PCDH11X: variants seen among roughly 807,000 people sequenced by gnomAD.
The protein encoded by PCDH11X is protocadherin-11 X-linked.
In PCDH11X, 18 loss-of-function variants were observed where a neutral mutation model predicts 53.3. The ratio of observed to expected loss-of-function variants is 0.34; its 90% CI spans 0.23 to 0.50. The LOEUF (loss-of-function observed/expected upper bound fraction) is 0.50, where lower values mean the gene tolerates loss of function less well. Among genes scored for constraint, PCDH11X ranks in the 20% least tolerant of loss-of-function variants. The probability of loss-of-function intolerance (pLI) is 0.98; values close to 1 mark genes in which losing one functional copy is unlikely to be tolerated. For synonymous variants in PCDH11X, 279 were observed against 393.3 expected, an observed-to-expected ratio of 0.71 and a Z score of 3.44; for missense variants, 570 against 1,032.4, an observed-to-expected ratio of 0.55 and a Z score of 6.14.
chrX:91,826,443 G>C (rs1249394412), intron 4 of PCDH11X, among the ~76,000 whole-genome samples: 1 of 102,898 alleles, frequency 9.7e-6, no homozygotes, highest in Non-Finnish European at 2.0e-5. Flanking sequence ...ATTTTTTAAT[G>C]GGAAAAATAT....
At chrX:92,077,334 C>T (rs1476446114) in intron 6 of PCDH11X, among the ~76,000 whole-genome samples, 3 of 106,495 alleles carry the variant, frequency 2.8e-5, no homozygotes, top group East Asian at 3.0e-4. Flanking sequence ...AAGGAACACC[C>T]GAGCAGACGT....
chrX:92,465,779 A>G (rs2073145674), intron 9 of PCDH11X, among the ~76,000 whole-genome samples: 1 of 110,091 alleles, frequency 9.1e-6, no homozygotes, highest in Non-Finnish European at 1.9e-5. Context: ...ATATTTATGA[A>G]ACTCAAAGAG....
intron 8 of PCDH11X, among the ~76,000 whole-genome samples, chrX:92,283,308 T>C (rs961659731): frequency 9.0e-6 from 1 of 111,403 alleles, no homozygotes; most frequent in African/African-American, 3.3e-5. Context: ...AAAGACTATG[T>C]TAATAAGGAT....
At chrX:91,802,924 C>A (rs1327301584) in intron 1 of PCDH11X, among the ~76,000 whole-genome samples, 1 of 110,920 alleles carries the variant, frequency 9.0e-6, no homozygotes, top group Non-Finnish European at 1.9e-5. Context: ...ATAATGCATA[C>A]TTCTGGACGA....
At chrX:92,258,611 C>G (rs1603238000) in intron 7 of PCDH11X, among the ~76,000 whole-genome samples, 1 of 111,207 alleles carries the variant, frequency 9.0e-6, no homozygotes, top group Non-Finnish European at 1.9e-5. Context: ...TCGTGATCCA[C>G]CTGCCTCGGC....
chrX:92,134,268 T>C (rs1406899840), intron 6 of PCDH11X, among the ~76,000 whole-genome samples: 1 of 110,884 alleles, frequency 9.0e-6, no homozygotes, highest in South Asian at 3.9e-4. Flanking sequence ...GGGAGGTATG[T>C]CGTTTTTTTT....
intron 7 of PCDH11X, among the ~76,000 whole-genome samples, chrX:92,219,137 A>T (rs2066800520): frequency 9.0e-6 from 1 of 111,146 alleles, no homozygotes; most frequent in Non-Finnish European, 1.9e-5. Context: ...AAACTGGCAC[A>T]AGACAGGGAT....
At chrX:92,464,843 A>AT (rs1396760322) in intron 9 of PCDH11X, among the ~76,000 whole-genome samples, 1 of 109,460 alleles carries the variant, frequency 9.1e-6, no homozygotes. Context: ...TCAAAGAGGT[A>AT]TTGGTTTATT....
chrX:91,982,388 A>G (rs2062153552), intron 6 of PCDH11X, among the ~76,000 whole-genome samples: 1 of 110,112 alleles, frequency 9.1e-6, no homozygotes, highest in Non-Finnish European at 1.9e-5. Flanking sequence ...ACTTGCAGCC[A>G]TTTCTAGAGA....
At chrX:92,613,711 G>A (rs1289348608) in intron 10 of PCDH11X, among the ~76,000 whole-genome samples, 2 of 109,768 alleles carry the variant, frequency 1.8e-5, no homozygotes, top group African/African-American at 6.6e-5. Context: ...AACTTTTATT[G>A]AATTATTACC....
At chrX:92,067,391 A>C (rs890817284) in intron 6 of PCDH11X, among the ~76,000 whole-genome samples, 2 of 110,621 alleles carry the variant, frequency 1.8e-5, no homozygotes, top group African/African-American at 6.6e-5. Context: ...ATTTTATCAA[A>C]TGCTTTTTAG....
chrX:92,286,356 G>T (rs992094094), intron 8 of PCDH11X, among the ~76,000 whole-genome samples: 2 of 109,138 alleles, frequency 1.8e-5, no homozygotes, highest in African/African-American at 6.7e-5. Flanking sequence ...TTAATTTAGG[G>T]GTATTAAAGG....
chrX:92,100,200 C>T (rs1044943234), intron 6 of PCDH11X, among the ~76,000 whole-genome samples: 1 of 111,370 alleles, frequency 9.0e-6, no homozygotes, highest in African/African-American at 3.3e-5. Flanking sequence ...AGAAGCCTTT[C>T]TTCCAAGCTT....
chrX:92,285,908 C>T (rs1219420198), intron 8 of PCDH11X, among the ~76,000 whole-genome samples: 1 of 111,910 alleles, frequency 8.9e-6, no homozygotes, highest in Non-Finnish European at 1.9e-5. Flanking sequence ...TAATGGTAAA[C>T]AAAGGGATGG....
chrX:91,993,126 G>A, intron 6 of PCDH11X, among the ~76,000 whole-genome samples: 1 of 112,126 alleles, frequency 8.9e-6, no homozygotes, highest in East Asian at 2.8e-4. Context: ...GATAGCATTG[G>A]CCACACAGGT....
intron 9 of PCDH11X, among the ~76,000 whole-genome samples, chrX:92,412,341 A>G (rs1356589811): frequency 9.3e-6 from 1 of 107,609 alleles, no homozygotes; most frequent in Non-Finnish European, 1.9e-5. Flanking sequence ...CTCTCACTCT[A>G]TTGGCACCTG....
intron 6 of PCDH11X, among the ~76,000 whole-genome samples, chrX:92,043,906 T>C (rs1283673734): frequency 9.1e-6 from 1 of 109,851 alleles, no homozygotes; most frequent in Non-Finnish European, 1.9e-5. Context: ...AAAGAGATAT[T>C]CCAACTCATT....
chrX:92,087,978 A>G (rs1203137837), intron 6 of PCDH11X, among the ~76,000 whole-genome samples: 1 of 106,303 alleles, frequency 9.4e-6, no homozygotes, highest in Non-Finnish European at 1.9e-5. Flanking sequence ...AGAAATATAT[A>G]TAAGAAATAT....
intron 6 of PCDH11X, among the ~76,000 whole-genome samples, chrX:92,095,285 T>C (rs977307302): frequency 2.7e-5 from 3 of 111,261 alleles, no homozygotes; most frequent in Non-Finnish European, 5.7e-5. Context: ...TTGGTTACTT[T>C]TGTGACATTT....
Sources: allele counts gnomAD v4.1 joint callset (sites outside exome capture counted in the v4.1 genomes callset), GRCh38; gene constraint gnomAD v4.1.1; transcripts MANE v1.5; gene names NCBI Gene and HGNC (gene_info 2026-07-23, HGNC 2026-07-21).